DCDC2C: variants seen among roughly 807,000 people sequenced by gnomAD.
DCDC2C encodes the protein doublecortin domain-containing protein 2C.
In DCDC2C, 44 loss-of-function variants were observed where a neutral mutation model predicts 45.0. The ratio of observed to expected loss-of-function variants is 0.98; its 90% CI spans 0.77 to 1.26. The LOEUF is 1.26. Among genes scored for constraint, DCDC2C ranks in the 50% most tolerant of loss-of-function variants. The pLI is 0.00. For synonymous variants in DCDC2C, 187 were observed against 178.8 expected, an observed-to-expected ratio of 1.05 and a Z score of -0.37; for missense variants, 447 against 468.9, an observed-to-expected ratio of 0.95 and a Z score of 0.43.
chr2:3,720,140 G>A (rs1158794521), intron 2 of DCDC2C, among the ~76,000 whole-genome samples: 1 of 152,252 alleles, frequency 6.6e-6, no homozygotes, highest in Non-Finnish European at 1.5e-5. Context: ...GGGAGCTGGT[G>A]TGGCAAAGGT....
intron 6 of DCDC2C, among the ~76,000 whole-genome samples, chr2:3,764,940 A>C (rs1170077961): frequency 6.6e-6 from 1 of 152,220 alleles, no homozygotes; most frequent in Non-Finnish European, 1.5e-5. Context: ...TCAGATGAAT[A>C]TCCTAAATTT....
At chr2:3,772,427 G>A (rs1670199460) in intron 8 of DCDC2C, among the ~76,000 whole-genome samples, 1 of 152,208 alleles carries the variant, frequency 6.6e-6, no homozygotes. Context: ...TGACTCCGCA[G>A]CCCCCTTTCC....
intron 10 of DCDC2C, among the ~76,000 whole-genome samples, chr2:3,788,801 C>CCCTCCCTTCCTCCCTT (rs202119084): frequency 2.3e-5 from 2 of 86,604 alleles, no homozygotes; most frequent in African/African-American, 9.3e-5. Flanking sequence ...TCCCTTCCTT[C>CCCTCCCTTCCTCCCTT]CCTCCCTTCC....
intron 8 of DCDC2C, among the ~76,000 whole-genome samples, chr2:3,771,757 C>T (rs1418178997): frequency 6.6e-6 from 1 of 152,178 alleles, no homozygotes; most frequent in Non-Finnish European, 1.5e-5. Context: ...GGAGAACTTG[C>T]GCGAGCGTGG....
intron 10 of DCDC2C, among the ~76,000 whole-genome samples, chr2:3,842,707 C>G (rs1211242817): frequency 1.3e-5 from 2 of 151,642 alleles, no homozygotes; most frequent in Non-Finnish European, 1.5e-5. Flanking sequence ...TTCTTGATCA[C>G]AGCAGCCTAC....
Position 3,714,551 on chromosome 2 carries a change from AAAC to A in DCDC2C, c.339+5957_339+5959del, listed in dbSNP as rs372275451. On this transcript the variant is annotated intron_variant, in intron 2 of 10. Coordinates refer to ENST00000399143, the MANE Select transcript of DCDC2C (RefSeq NM_001287444.2). ...TCTTTCAGTGGGCCTATCCTGGACT[AAAC>A]AACAAGTGTACCATTCATTTAGACC... Among the ~76,000 whole-genome samples, 1,437 of 152,332 alleles carry A rather than the reference AAAC, an allele frequency of 9.4e-3. 20 individuals are homozygous for A. The highest frequency in any genetic ancestry group is 0.033 in the African/African-American group (1,362 of 41,552).
At chr2:3,807,123 C>T (rs187937036) in intron 10 of DCDC2C, among the ~76,000 whole-genome samples, 2 of 151,664 alleles carry the variant, frequency 1.3e-5, no homozygotes, top group Non-Finnish European at 2.9e-5. Flanking sequence ...TTTACATCTG[C>T]TTGAACTTGA....
chr2:3,703,932 C>T lies in DCDC2C; in HGVS notation c.181C>T (p.Arg61Cys), dbSNP rs1667950220. 16 of 1,332,884 alleles carry T rather than the reference C, an allele frequency of 1.2e-5. No individual in the cohort carries two copies. Among genetic ancestry groups the T allele is most frequent in the East Asian group, 3.1e-5 (1 of 32,164 alleles). 82.6% of individuals were successfully genotyped at this position (1,332,884 alleles called of 1,614,324 possible). A position where few individuals can be genotyped will look rare whatever the true frequency, so the allele number is the denominator to read the frequency against. Residue 61 changes from arginine (R) to cysteine (C), a missense_variant, in exon 1 of 11, where the codon CGC becomes TGC. By Grantham distance (180) the Arg-to-Cys change is radical. Transcript: ENST00000399143. The surrounding 1 kb of genome is among the most constrained non-coding windows in gnomAD (Gnocchi z 4.4). The part of the protein sequence containing the change: ...TEQVDVPFGV[R>C]RLFTPTRGHR... ...GCAGGTGGACGTCCCGTTCGGCGTG[C>T]GCCGCCTCTTCACGCCCACGCGTGG...
At chr2:3,718,445 G>A (rs749677851) in intron 2 of DCDC2C, among the ~76,000 whole-genome samples, 1 of 152,178 alleles carries the variant, frequency 6.6e-6, no homozygotes, top group Non-Finnish European at 1.5e-5. Context: ...GAGTGCCTCT[G>A]TGGGTGCATG....
At position 3,778,139 on chromosome 2, in the gene DCDC2C, G is replaced by T. The variant is rs576277823; in HGVS notation, c.955-677G>T. On this transcript the variant is annotated intron_variant, in intron 8 of 10. Transcript: ENST00000399143. The stretch of plus-strand genomic sequence containing the variant: ...CCTTTGCAGTCAGGAAACAGGAGGC[G>T]CCGGGGCCTCCATCAGTGGGTTTCC... Among the ~76,000 whole-genome samples, 208 of 151,654 alleles carry T rather than the reference G, an allele frequency of 1.4e-3. 2 individuals carry two copies. The highest frequency in any genetic ancestry group is 2.4e-3 in the Non-Finnish European group (160 of 67,904).
chr2:3,779,132 C>T (rs1383417384), intron 9 of DCDC2C, among the ~76,000 whole-genome samples: 2 of 152,226 alleles, frequency 1.3e-5, no homozygotes, highest in Non-Finnish European at 2.9e-5. Flanking sequence ...GCTCTACTTC[C>T]AGTCACAAAC....
At chr2:3,783,716 G>A (rs890739744) in intron 9 of DCDC2C, among the ~76,000 whole-genome samples, 5 of 152,240 alleles carry the variant, frequency 3.3e-5, no homozygotes, top group Admixed American at 2.0e-4. Flanking sequence ...GGCATCGCAA[G>A]GCCTCTGGCC....
intron 8 of DCDC2C, among the ~76,000 whole-genome samples, chr2:3,774,777 T>C (rs1670283770): frequency 6.6e-6 from 1 of 152,064 alleles, no homozygotes; most frequent in Non-Finnish European, 1.5e-5. Flanking sequence ...TTGATTTTTT[T>C]TTTTTTGAGA....
intron 6 of DCDC2C, among the ~76,000 whole-genome samples, chr2:3,764,949 T>G (rs6761325): frequency 0.68 from 103,907 of 152,114 alleles, 36,099 homozygotes; most frequent in South Asian, 0.82. Context: ...TATCCTAAAT[T>G]TGGCAATTGT....
At position 3,818,709 on chromosome 2, in the gene DCDC2C, A is replaced by G. The variant is rs1296405200; in HGVS notation, c.1066-28445A>G. ...TTAAAGGGATGGTAAGGGGTGCATGATCGGTCATCAAGGAGGGAGTAGAGG... is the reference window on the plus strand; with the variant it reads ...TTAAAGGGATGGTAAGGGGTGCATGGTCGGTCATCAAGGAGGGAGTAGAGG... On this transcript the variant is annotated intron_variant, in intron 10 of 10. Transcript: ENST00000399143. The surrounding 1 kb of genome is among the most constrained non-coding windows in gnomAD (Gnocchi z 4.7). 6.6e-6 allele frequency among the ~76,000 whole-genome samples: 1 copy of G among 152,042 alleles called. No homozygotes were observed.
intron 10 of DCDC2C, among the ~76,000 whole-genome samples, chr2:3,841,891 GA>G (rs1303198525): frequency 6.6e-5 from 10 of 151,822 alleles, no homozygotes; most frequent in Non-Finnish European, 1.5e-4. Context: ...TTTATGTGAT[GA>G]TGAGTATCAT....
At chr2:3,769,217 C>A (rs1026863881) in intron 7 of DCDC2C, 94 bp from the exon 8 acceptor site, 3 of 1,252,162 alleles carry the variant, frequency 2.4e-6, no homozygotes, top group Admixed American at 4.1e-5. Context: ...TCCAGGATGC[C>A]CGGCTTCGTA....
chr2:3,707,507 A>G (rs1054726231), intron 1 of DCDC2C, among the ~76,000 whole-genome samples: 3 of 152,260 alleles, frequency 2.0e-5, no homozygotes, highest in Non-Finnish European at 4.4e-5. Context: ...TGTTTTGTTC[A>G]GTTCATACAA....
chr2:3,739,990 C>T (rs570469448), intron 3 of DCDC2C, among the ~76,000 whole-genome samples: 2 of 152,240 alleles, frequency 1.3e-5, no homozygotes, highest in African/African-American at 4.8e-5. Context: ...GCGAGCCACG[C>T]CCCCATTGCA....
Sources: allele counts gnomAD v4.1 joint callset (sites outside exome capture counted in the v4.1 genomes callset), GRCh38; gene constraint gnomAD v4.1.1; non-coding constraint Gnocchi (gnomAD v3.1); transcripts MANE v1.5; gene names NCBI Gene and HGNC (gene_info 2026-07-23, HGNC 2026-07-21).